ADAM22: variants seen among roughly 807,000 people sequenced by gnomAD.
The protein encoded by ADAM22 is disintegrin and metalloproteinase domain-containing protein 22.
Under a neutral mutation model 144.6 loss-of-function variants are expected in ADAM22, and 65 were observed. The ratio of observed to expected loss-of-function variants is 0.45; its 90% CI spans 0.37 to 0.55. The LOEUF (loss-of-function observed/expected upper bound fraction) is 0.55. Among genes scored for constraint, ADAM22 ranks in the 20% least tolerant of loss-of-function variants. ADAM22 has a pLI of 0.00. For synonymous variants in ADAM22, 391 were observed against 412.6 expected (o/e 0.95, Z 0.63); for missense variants, 974 against 1,184.9 (o/e 0.82, Z 2.61).
At chr7:88,161,579 G>T (rs1191846065) in intron 22 of ADAM22, among the ~76,000 whole-genome samples, 5 of 152,014 alleles carry the variant, frequency 3.3e-5, no homozygotes, top group African/African-American at 1.2e-4. Context: ...TTTGACAAAG[G>T]TCTAATATCC....
chr7:87,957,407 C>T (rs1407192481), intron 2 of ADAM22, among the ~76,000 whole-genome samples: 5 of 151,810 alleles, frequency 3.3e-5, no homozygotes, highest in Non-Finnish European at 5.9e-5. Context: ...TAATGGACAC[C>T]CTTGTACATA....
intron 3 of ADAM22, among the ~76,000 whole-genome samples, chr7:88,014,991 G>A (rs942845981): frequency 2.1e-4 from 32 of 152,348 alleles, no homozygotes; most frequent in Non-Finnish European, 1.6e-4. Context: ...ACAGAGCCAT[G>A]ACGCCGTATG....
chr7:88,021,444 A>G (rs2129466160), intron 3 of ADAM22, among the ~76,000 whole-genome samples: 1 of 152,348 alleles, frequency 6.6e-6, no homozygotes, highest in East Asian at 1.9e-4. Context: ...GTCACAAAAG[A>G]CAATATGACA....
At chr7:88,053,640 GA>G (rs199578870) in intron 3 of ADAM22, among the ~76,000 whole-genome samples, 1 of 143,542 alleles carries the variant, frequency 7.0e-6, no homozygotes, top group African/African-American at 2.7e-5. Flanking sequence ...AAGAAAGAAA[GA>G]AAGAAAGAAA....
chr7:88,047,933 TA>T (rs2129473409), intron 3 of ADAM22, among the ~76,000 whole-genome samples: 1 of 152,182 alleles, frequency 6.6e-6, no homozygotes, highest in African/African-American at 2.4e-5. Flanking sequence ...ATACATTTTT[TA>T]AAAAGATGAA....
chr7:88,051,544 C>A (rs1806372738), intron 3 of ADAM22, among the ~76,000 whole-genome samples: 1 of 151,614 alleles, frequency 6.6e-6, no homozygotes, highest in Non-Finnish European at 1.5e-5. Context: ...CACACCGGGG[C>A]CTGTTGTGGG....
intron 4 of ADAM22, among the ~76,000 whole-genome samples, chr7:88,085,565 T>A (rs1273223095): frequency 6.6e-6 from 1 of 152,076 alleles, no homozygotes; most frequent in Non-Finnish European, 1.5e-5. Flanking sequence ...AACAACAAAA[T>A]CATGATAAAT....
chr7:88,193,284 C>T, intron 31 of ADAM22, 45 bp downstream of exon 31: 1 of 1,595,104 alleles, frequency 6.3e-7, no homozygotes, highest in Non-Finnish European at 8.6e-7. Flanking sequence ...CAGTCATTAT[C>T]ATTTATCTAT....
chr7:87,960,214 T>C (rs1185094566), intron 2 of ADAM22, among the ~76,000 whole-genome samples: 3 of 152,342 alleles, frequency 2.0e-5, no homozygotes, highest in African/African-American at 7.2e-5. Context: ...TATTCTGAAG[T>C]TAATTGTTTG....
chr7:88,048,411 A>C (rs922771864), intron 3 of ADAM22, among the ~76,000 whole-genome samples: 1 of 152,242 alleles, frequency 6.6e-6, no homozygotes, highest in Non-Finnish European at 1.5e-5. Flanking sequence ...TCCTCTATTT[A>C]TACTGCATAT....
At chr7:88,010,785 C>T (rs929332099) in intron 3 of ADAM22, among the ~76,000 whole-genome samples, 1 of 152,118 alleles carries the variant, frequency 6.6e-6, no homozygotes, top group Admixed American at 6.5e-5. Flanking sequence ...AAGTCAAAAC[C>T]ATAATTGTCC....
At chr7:88,136,089 T>C in intron 14 of ADAM22, 58 bp downstream of exon 14, 1 of 1,500,854 alleles carries the variant, frequency 6.7e-7, no homozygotes, top group Non-Finnish European at 9.2e-7. Context: ...TGCTGTTGTC[T>C]TCTTAGGAAT....
intron 4 of ADAM22, among the ~76,000 whole-genome samples, chr7:88,098,303 T>C (rs1480158793): frequency 6.6e-6 from 1 of 152,196 alleles, no homozygotes. Flanking sequence ...AGATGAGTGA[T>C]GCCATGGTAG....
In ADAM22 at chr7:88,044,025, G is replaced by A. The variant is rs144935950; in HGVS notation, c.324-31601G>A. Among the ~76,000 whole-genome samples, 190 of 152,192 alleles carry A rather than the reference G, an allele frequency of 1.2e-3. 3 individuals are homozygous for A. Among genetic ancestry groups the A allele is most frequent in the African/African-American group, 4.4e-3 (184 of 41,546 alleles). Reference sequence around the variant, plus strand: ...CTATTCTTCTCATTGCTACAGTATGGCATACATTAAATCCAAAGAGAAGTA... The same window carrying A: ...CTATTCTTCTCATTGCTACAGTATGACATACATTAAATCCAAAGAGAAGTA... On this transcript the variant is annotated intron_variant, in intron 3 of 31. Transcript: ENST00000413139.
At chr7:88,051,794 T>C (rs577377544) in intron 3 of ADAM22, among the ~76,000 whole-genome samples, 2 of 152,332 alleles carry the variant, frequency 1.3e-5, no homozygotes, top group African/African-American at 4.8e-5. Flanking sequence ...TGACTTAGCC[T>C]TTTTATATTA....
chr7:87,986,674 T>C (rs1016576261), intron 3 of ADAM22, among the ~76,000 whole-genome samples: 5 of 152,192 alleles, frequency 3.3e-5, no homozygotes, highest in Non-Finnish European at 5.9e-5. Context: ...TTCATGTTAC[T>C]GGTTTATTTA....
chr7:88,009,264 T>G (rs992273795), intron 3 of ADAM22, among the ~76,000 whole-genome samples: 2 of 152,196 alleles, frequency 1.3e-5, no homozygotes, highest in African/African-American at 4.8e-5. Context: ...TTGATGTCAG[T>G]ATTTCACAAG....
intron 30 of ADAM22, among the ~76,000 whole-genome samples, chr7:88,192,244 G>C (rs547528968): frequency 5.3e-5 from 8 of 152,314 alleles, no homozygotes; most frequent in Middle Eastern, 3.4e-3. Context: ...TGGATGTGTA[G>C]TGGTAACGTT....
intron 3 of ADAM22, among the ~76,000 whole-genome samples, chr7:88,024,418 A>G (rs892996976): frequency 1.6e-4 from 24 of 152,058 alleles, no homozygotes; most frequent in African/African-American, 5.8e-4. Flanking sequence ...TGTAGTTTTG[A>G]CTTTCATTTC....
Sources: gnomAD v4.1 joint callset for allele counts (sites outside exome capture counted in the v4.1 genomes callset) on GRCh38, gnomAD v4.1.1 for gene constraint, MANE v1.5 for transcripts, NCBI Gene and HGNC (gene_info 2026-07-23, HGNC 2026-07-21) for gene names.